BANK1: variants seen among roughly 807,000 people sequenced by gnomAD.
BANK1 encodes B cell scaffold protein with ankyrin repeats 1.
Under a neutral mutation model 94.5 loss-of-function variants are expected in BANK1, and 95 were observed. The ratio of observed to expected loss-of-function variants is 1.00; its 90% CI spans 0.85 to 1.19. The LOEUF (loss-of-function observed/expected upper bound fraction) is 1.19, where lower values mean the gene tolerates loss of function less well. BANK1 is among the 50% of genes most tolerant of loss of function. The pLI, the probability that BANK1 is intolerant of heterozygous loss-of-function variation, is 0.00. For synonymous variants in BANK1, 334 were observed against 308.4 expected (o/e 1.08, Z -0.87); for missense variants, 987 against 932.2 (o/e 1.06, Z -0.77).
At chr4:102,000,343 AAAAC>A (rs1726020567) in intron 7 of BANK1, among the ~76,000 whole-genome samples, 1 of 151,706 alleles carries the variant, frequency 6.6e-6, no homozygotes, top group Non-Finnish European at 1.5e-5. Flanking sequence ...AAAAAAAAAA[AAAAC>A]AGTGAAAGAG....
intron 6 of BANK1, among the ~76,000 whole-genome samples, chr4:101,912,348 T>C (rs1722690513): frequency 6.6e-6 from 1 of 152,090 alleles, no homozygotes; most frequent in Non-Finnish European, 1.5e-5. Flanking sequence ...AAACTCACAT[T>C]ACATTATTCT....
chr4:101,793,012 C>A (rs1206892760), intron 1 of BANK1, among the ~76,000 whole-genome samples: 1 of 152,082 alleles, frequency 6.6e-6, no homozygotes. Flanking sequence ...ATTTTAACTG[C>A]TGTTTTAATT....
intron 2 of BANK1, among the ~76,000 whole-genome samples, chr4:101,837,982 C>A: frequency 6.8e-6 from 1 of 146,382 alleles, no homozygotes; most frequent in African/African-American, 2.7e-5. Context: ...TTTTTTGAGA[C>A]AGGGTCTTGC....
At position 101,790,826 on chromosome 4, in the gene BANK1, C is replaced by T. The variant is rs1724950031; in HGVS notation, c.-55C>T. The T allele has an allele frequency of 6.6e-7, 1 of 1,507,486 alleles. No homozygotes were observed. Among genetic ancestry groups the T allele is most frequent in the South Asian group, 1.2e-5 (1 of 83,458 alleles). 93.4% of individuals were successfully genotyped at this position (1,507,486 alleles called of 1,614,324 possible). ...GCGGGGAGTCTCTGGCCGGGAGAGT[C>T]CAGGTAGCGCTCGGCGGGCAGCAGT... On this transcript the variant is annotated 5_prime_UTR_variant, in exon 1 of 17. Coordinates refer to ENST00000322953, the MANE Select transcript of BANK1 (RefSeq NM_017935.5).
At chr4:101,944,723 A>G (rs1723873485) in intron 7 of BANK1, among the ~76,000 whole-genome samples, 1 of 151,980 alleles carries the variant, frequency 6.6e-6, no homozygotes, top group Admixed American at 6.6e-5. Context: ...TAGAGCCAGC[A>G]GGTTTTGTTG....
chr4:101,811,731 A>G (rs1237147863), intron 1 of BANK1, among the ~76,000 whole-genome samples: 4 of 152,204 alleles, frequency 2.6e-5, no homozygotes, highest in African/African-American at 9.6e-5. Flanking sequence ...TCAGTTCTGC[A>G]CTTTGTGATA....
intron 4 of BANK1, among the ~76,000 whole-genome samples, chr4:101,866,586 G>T (rs1238288778): frequency 1.3e-5 from 2 of 152,080 alleles, no homozygotes; most frequent in African/African-American, 4.8e-5. Flanking sequence ...AATCTTGTCA[G>T]AAGCCAGAGA....
At chr4:101,829,111 C>G (rs538006657) in intron 1 of BANK1, among the ~76,000 whole-genome samples, 172 of 152,252 alleles carry the variant, frequency 1.1e-3, no homozygotes, top group African/African-American at 4.0e-3. Flanking sequence ...ATCAGCCCGC[C>G]TCAGCCTCCC....
intron 7 of BANK1, among the ~76,000 whole-genome samples, chr4:101,957,993 T>C (rs900341981): frequency 1.1e-4 from 16 of 151,950 alleles, no homozygotes; most frequent in Non-Finnish European, 1.8e-4. Flanking sequence ...TATAGGTGCC[T>C]GCCACCACGT....
chr4:101,953,504 A>C (rs1258596442), intron 7 of BANK1, among the ~76,000 whole-genome samples: 1 of 152,064 alleles, frequency 6.6e-6, no homozygotes, highest in South Asian at 2.1e-4. Flanking sequence ...GCAGACTTGC[A>C]ACACTGTATC....
At chr4:101,914,624 C>A (rs1722771823) in intron 6 of BANK1, among the ~76,000 whole-genome samples, 1 of 152,114 alleles carries the variant, frequency 6.6e-6, no homozygotes, top group African/African-American at 2.4e-5. Context: ...CTTCTGGTCA[C>A]AATGTTTTGA....
At chr4:102,007,144 T>TAATATATATATATATATATATATATA (rs1553940695) in intron 7 of BANK1, among the ~76,000 whole-genome samples, 1 of 83,946 alleles carries the variant, frequency 1.2e-5, no homozygotes, top group Non-Finnish European at 2.4e-5. Context: ...AAAAAATATA[T>TAATATATATATATATATATATATATA]TTTATATATA....
At chr4:102,029,794 G>A (rs1050727470) in intron 9 of BANK1, among the ~76,000 whole-genome samples, 166 bp from the exon 10 acceptor site, 1 of 151,868 alleles carries the variant, frequency 6.6e-6, no homozygotes, top group African/African-American at 2.4e-5. Context: ...CTGCATTTAG[G>A]GGGTGACATA....
chr4:101,996,784 T>C (rs1369827118), intron 7 of BANK1, among the ~76,000 whole-genome samples: 1 of 152,258 alleles, frequency 6.6e-6, no homozygotes, highest in Non-Finnish European at 1.5e-5. Flanking sequence ...TGATTTTGTA[T>C]CCTGACACTT....
Position 101,861,703 on chromosome 4 carries a change from G to A in BANK1, c.625-823G>A, listed in dbSNP as rs1727883639. On this transcript the variant is annotated intron_variant, in intron 3 of 16. Coordinates refer to ENST00000322953, the MANE Select transcript of BANK1 (RefSeq NM_017935.5). ...TGTGTGTGTGTTTGTCTTTCTGTAT[G>A]TCTTTGTGTTTATCTGTTTCAGTTA... 1.3e-5 allele frequency among the ~76,000 whole-genome samples: 2 copies of A among 151,724 alleles called. 1 individual carries two copies. Among genetic ancestry groups the A allele is most frequent in the South Asian group, 4.1e-4 (2 of 4,828 alleles).
At chr4:102,014,691 A>G (rs1726632212) in intron 7 of BANK1, among the ~76,000 whole-genome samples, 1 of 152,158 alleles carries the variant, frequency 6.6e-6, no homozygotes, top group Admixed American at 6.6e-5. Flanking sequence ...GCCTAGTATT[A>G]TAGTATTATA....
intron 7 of BANK1, among the ~76,000 whole-genome samples, chr4:101,950,672 G>A (rs1246134386): frequency 6.6e-6 from 1 of 152,164 alleles, no homozygotes; most frequent in African/African-American, 2.4e-5. Flanking sequence ...TGTACATAAT[G>A]ACTTCCTTTC....
In BANK1 at chr4:101,867,182, A is replaced by C. The variant is rs1418932285; in HGVS notation, c.764-3323A>C. 1.6e-4 allele frequency among the ~76,000 whole-genome samples: 8 copies of C among 49,064 alleles called. 2 individuals are homozygous for C. Among genetic ancestry groups the C allele is most frequent in the African/African-American group, 2.9e-4 (2 of 6,924 alleles). The allele number at this position is 49,064 out of a possible 152,430, so 32.2% of individuals were successfully genotyped here. ...GAGTATAATAAAAAAAATTTAAAAAAAAAAAAAAAAAAAAGAATTACGTTG... is the reference window on the plus strand; with the variant it reads ...GAGTATAATAAAAAAAATTTAAAAACAAAAAAAAAAAAAAGAATTACGTTG... On this transcript the variant is annotated intron_variant, in intron 4 of 16. Coordinates refer to ENST00000322953, the MANE Select transcript of BANK1 (RefSeq NM_017935.5).
chr4:102,003,850 T>C (rs919452039), intron 7 of BANK1, among the ~76,000 whole-genome samples: 4 of 151,606 alleles, frequency 2.6e-5, no homozygotes, highest in African/African-American at 9.7e-5. Flanking sequence ...TATATGCCTA[T>C]TTCATATTTA....
Sources: gnomAD v4.1 joint callset for allele counts (sites outside exome capture counted in the v4.1 genomes callset) on GRCh38, gnomAD v4.1.1 for gene constraint, MANE v1.5 for transcripts, NCBI Gene and HGNC (gene_info 2026-07-23, HGNC 2026-07-21) for gene names.